Variants in TARP observed in about 807,000 individuals in gnomAD.
chr7:38,272,383 T>A, the TARP span, among the ~76,000 whole-genome samples: 1 of 148,610 alleles, frequency 6.7e-6, no homozygotes, highest in African/African-American at 2.5e-5. Context: ...TTTGTACAGA[T>A]CAACGTGAAA....
the TARP span, among the ~76,000 whole-genome samples, chr7:38,266,921 T>C: frequency 1.3e-5 from 2 of 151,848 alleles, no homozygotes; most frequent in African/African-American, 4.8e-5. Flanking sequence ...GTTAATCTTC[T>C]GCAGTAACGC....
At chr7:38,266,200 A>T in the TARP span, among the ~76,000 whole-genome samples, 1 of 151,626 alleles carries the variant, frequency 6.6e-6, no homozygotes, top group Non-Finnish European at 1.5e-5. Flanking sequence ...AATATGACAC[A>T]TTCTCATGTT....
At chr7:38,265,236 T>C in the TARP span, 1 of 817,450 alleles carries the variant, frequency 1.2e-6, no homozygotes, top group South Asian at 1.9e-5. Context: ...TACCATTAAA[T>C]GTAACAATAT....
the TARP span, among the ~76,000 whole-genome samples, chr7:38,266,703 G>A: frequency 6.6e-6 from 1 of 151,566 alleles, no homozygotes; most frequent in Non-Finnish European, 1.5e-5. Context: ...TAGCTTCAAT[G>A]TGTATACCAT....
the TARP span, among the ~76,000 whole-genome samples, chr7:38,270,141 G>A: frequency 6.6e-6 from 1 of 151,902 alleles, no homozygotes; most frequent in Admixed American, 6.6e-5. Flanking sequence ...TTATGATGAT[G>A]ATGATGTCAT....
chr7:38,270,998 T>TG, the TARP span, among the ~76,000 whole-genome samples: 5 of 150,964 alleles, frequency 3.3e-5, no homozygotes, highest in African/African-American at 1.2e-4. Context: ...TTCCCCTACC[T>TG]TTTTCTCCTT....
chr7:38,267,075 A>G, the TARP span, among the ~76,000 whole-genome samples: 1 of 151,802 alleles, frequency 6.6e-6, no homozygotes, highest in Non-Finnish European at 1.5e-5. Context: ...TACCCCATTA[A>G]TGAGAAGGTC....
chr7:38,265,643 T>C, the TARP span: 18 of 1,608,424 alleles, frequency 1.1e-5, no homozygotes, highest in East Asian at 3.6e-4. Flanking sequence ...AGAAAAATAG[T>C]GGGCTTGGGG....
At chr7:38,272,673 C>T in the TARP span, among the ~76,000 whole-genome samples, 2 of 149,414 alleles carry the variant, frequency 1.3e-5, no homozygotes, top group African/African-American at 2.5e-5. Context: ...ATTTGAACAA[C>T]TGGTAAATCA....
chr7:38,266,300 C>G, the TARP span, among the ~76,000 whole-genome samples: 1 of 150,342 alleles, frequency 6.7e-6, no homozygotes, highest in East Asian at 1.9e-4. Context: ...CCATATGAAT[C>G]AATGTCAAAA....
the TARP span, chr7:38,262,095 T>C: frequency 1.6e-6 from 2 of 1,285,892 alleles, no homozygotes; most frequent in Non-Finnish European, 2.3e-6. Flanking sequence ...CCTAGCAAAA[T>C]CCATTCCCTG....
At chr7:38,263,381 T>C in the TARP span, among the ~76,000 whole-genome samples, 55 of 151,948 alleles carry the variant, frequency 3.6e-4, no homozygotes, top group Middle Eastern at 3.4e-3. Flanking sequence ...AGAAAAGAAA[T>C]TGGACATATG....
the TARP span, among the ~76,000 whole-genome samples, chr7:38,270,757 A>G: frequency 1.3e-4 from 20 of 150,590 alleles, no homozygotes; most frequent in African/African-American, 4.7e-4. Flanking sequence ...CCATCTGCGC[A>G]TTTCATTAAA....
chr7:38,265,145 C>A, the TARP span, among the ~76,000 whole-genome samples: 2 of 151,118 alleles, frequency 1.3e-5, no homozygotes, highest in Non-Finnish European at 2.9e-5. Context: ...GGCTGACAAA[C>A]CTTCAGTAAC....
the TARP span, among the ~76,000 whole-genome samples, chr7:38,269,745 C>T: frequency 1.4e-4 from 22 of 152,044 alleles, no homozygotes; most frequent in African/African-American, 5.1e-4. Flanking sequence ...ATCAGTTCAA[C>T]ATCGCTACCA....
chr7:38,263,832 G>A, the TARP span, among the ~76,000 whole-genome samples: 2 of 151,664 alleles, frequency 1.3e-5, no homozygotes, highest in Non-Finnish European at 2.9e-5. Context: ...CTAAAAACTT[G>A]GACTTGAGGT....
chr7:38,272,776 G>A, the TARP span, among the ~76,000 whole-genome samples: 3 of 150,314 alleles, frequency 2.0e-5, no homozygotes, highest in Non-Finnish European at 3.0e-5. Context: ...GCACTTTCCT[G>A]AAAAATCACT....
the TARP span, among the ~76,000 whole-genome samples, chr7:38,268,841 T>C: frequency 6.6e-6 from 1 of 151,406 alleles, no homozygotes; most frequent in African/African-American, 2.4e-5. Flanking sequence ...GTAAATTAGA[T>C]GGACTGAGAG....
At chr7:38,272,348 T>C in the TARP span, among the ~76,000 whole-genome samples, 2 of 149,808 alleles carry the variant, frequency 1.3e-5, no homozygotes, top group South Asian at 2.1e-4. Flanking sequence ...ACATCCACTT[T>C]AGATAAATAA....
Sources: gnomAD v4.1 joint callset for allele counts (sites outside exome capture counted in the v4.1 genomes callset) on GRCh38, gnomAD v4.1.1 for gene constraint, MANE v1.5 for transcripts.